The following RGPD2 variants were observed in gnomAD, a reference collection of about 807,000 sequenced individuals.
RGPD2 encodes RANBP2 like and GRIP domain containing 2, also known as RANBP2-like and GRIP domain-containing protein 2.
RGPD2 carries 2 observed loss-of-function variants against 36.0 expected under a neutral mutation model. The ratio of observed to expected loss-of-function variants is 0.06; its 90% CI spans 0.02 to 0.17. The LOEUF is 0.17. Ranked by LOEUF, RGPD2 falls within the 10% of genes least tolerant of loss-of-function variation. RGPD2 has a pLI of 1.00. For synonymous variants in RGPD2, 19 were observed against 163.8 expected, an observed-to-expected ratio of 0.12 and a Z score of 6.75; for missense variants, 40 against 464.3, an observed-to-expected ratio of 0.09 and a Z score of 8.40.
chr2:87,951,227 G>C, the RGPD2 span, among the ~76,000 whole-genome samples: 1 of 147,112 alleles, frequency 6.8e-6, no homozygotes, highest in African/African-American at 2.5e-5. Context: ...ATAATTCTAA[G>C]GGCATTATTA....
chr2:87,827,333 G>A (rs1686845798), upstream of RGPD2, among the ~76,000 whole-genome samples: 2 of 152,366 alleles, frequency 1.3e-5, no homozygotes, highest in Middle Eastern at 3.4e-3. Flanking sequence ...ATGGCAGAAG[G>A]AGATTTCCAT....
At chr2:87,959,644 CTAGT>C in the RGPD2 span, among the ~76,000 whole-genome samples, 336 of 121,396 alleles carry the variant, frequency 2.8e-3, 2 homozygotes, top group African/African-American at 9.7e-3. Flanking sequence ...AAAGATGTAG[CTAGT>C]TAAACATATG....
rs1229934827 is a variant in RGPD2, at chr2:87,757,065, AG to A, written c.*326del. 2.3e-6 allele frequency: 1 copy of A among 435,128 alleles called. No homozygotes were observed. The highest frequency in any genetic ancestry group is 2.2e-5 in the African/African-American group (1 of 45,340). The allele number at this position is 435,128 out of a possible 1,614,324, so 27.0% of individuals were successfully genotyped here. The stretch of plus-strand genomic sequence containing the variant: ...TCAAGTCCCTTATGTAAAATGGTGC[AG>A]TATTTGCATATAACCTACATACCTT... On this transcript the variant is annotated 3_prime_UTR_variant, in exon 23 of 23. Coordinates refer to ENST00000398146, the MANE Select transcript of RGPD2 (RefSeq NM_001078170.3).
At chr2:87,853,839 T>G in the RGPD2 span, among the ~76,000 whole-genome samples, 2 of 152,220 alleles carry the variant, frequency 1.3e-5, no homozygotes, top group African/African-American at 4.8e-5. Flanking sequence ...TCTTTGATGG[T>G]TAGTCATTTT....
chr2:87,781,445 T>A (rs928571559), intron 20 of RGPD2, among the ~76,000 whole-genome samples: 6 of 131,552 alleles, frequency 4.6e-5, no homozygotes, highest in African/African-American at 1.7e-4. Flanking sequence ...CTCAATATCA[T>A]GGTTTTTTTT....
chr2:87,870,702 C>T, the RGPD2 span, among the ~76,000 whole-genome samples: 152 of 152,152 alleles, frequency 1.0e-3, 1 homozygote, highest in African/African-American at 3.4e-3. Context: ...CCACATTTTT[C>T]GAACTTTTAT....
intron 1 of RGPD2, among the ~76,000 whole-genome samples, chr2:87,822,126 C>T (rs1188958633): frequency 1.4e-4 from 22 of 152,004 alleles, no homozygotes; most frequent in Non-Finnish European, 2.1e-4. Context: ...GGGTGAAGGC[C>T]GTGATTATAC....
chr2:87,882,045 A>T, the RGPD2 span, among the ~76,000 whole-genome samples: 2 of 152,212 alleles, frequency 1.3e-5, no homozygotes, highest in Non-Finnish European at 2.9e-5. Flanking sequence ...AAACAACCAG[A>T]TGACCATTAC....
chr2:87,951,405 G>A, the RGPD2 span, among the ~76,000 whole-genome samples: 396 of 151,758 alleles, frequency 2.6e-3, no homozygotes, highest in East Asian at 0.022. Flanking sequence ...TCACTATGTA[G>A]ACAGAGAGAA....
chr2:87,924,875 ATTTAT>A, the RGPD2 span, among the ~76,000 whole-genome samples: 246 of 81,166 alleles, frequency 3.0e-3, no homozygotes, highest in African/African-American at 0.013. Context: ...TCGTTTATTT[ATTTAT>A]TTTAATTTAT....
the RGPD2 span, among the ~76,000 whole-genome samples, chr2:87,951,462 G>A: frequency 6.6e-6 from 1 of 152,172 alleles, no homozygotes; most frequent in African/African-American, 2.4e-5. Flanking sequence ...TTGAGTAAGA[G>A]ATGGAACAAA....
At chr2:87,822,290 A>T (rs1370312920) in intron 1 of RGPD2, among the ~76,000 whole-genome samples, 1 of 152,226 alleles carries the variant, frequency 6.6e-6, no homozygotes, top group Non-Finnish European at 1.5e-5. Context: ...GGTAAACATC[A>T]TTAAAAAAAA....
the RGPD2 span, among the ~76,000 whole-genome samples, chr2:87,967,419 AAT>A: frequency 6.7e-6 from 1 of 150,156 alleles, no homozygotes; most frequent in Non-Finnish European, 1.5e-5. Flanking sequence ...AAAAAAAAAA[AAT>A]TTTTTTTCCA....
At chr2:87,921,392 C>A in the RGPD2 span, among the ~76,000 whole-genome samples, 1 of 152,076 alleles carries the variant, frequency 6.6e-6, no homozygotes, top group Admixed American at 6.6e-5. Context: ...AAAGAATCTT[C>A]GTAGAATATC....
chr2:87,915,593 T>TATATATGTGTGTATATACAC, the RGPD2 span, among the ~76,000 whole-genome samples: 1 of 145,534 alleles, frequency 6.9e-6, no homozygotes, highest in South Asian at 2.2e-4. Flanking sequence ...TATATACACA[T>TATATATGTGTGTATATACAC]ATATATGTGT....
the RGPD2 span, among the ~76,000 whole-genome samples, chr2:87,897,651 G>T: frequency 1.3e-5 from 2 of 150,000 alleles, no homozygotes; most frequent in African/African-American, 4.9e-5. Flanking sequence ...ACTGGCCCCC[G>T]TGTGTGGTGT....
the RGPD2 span, among the ~76,000 whole-genome samples, chr2:87,868,730 C>G: frequency 6.6e-6 from 1 of 151,846 alleles, no homozygotes; most frequent in East Asian, 1.9e-4. Flanking sequence ...TCTGGAAAAA[C>G]TCTTTACCCA....
chr2:87,839,916 CATT>C, the RGPD2 span, among the ~76,000 whole-genome samples: 1 of 151,786 alleles, frequency 6.6e-6, no homozygotes, highest in South Asian at 2.1e-4. Context: ...AAAAAAAACA[CATT>C]ATTCCTCAAG....
At chr2:87,771,402 T>TTG (rs1685112476) in intron 22 of RGPD2, 1 of 30,068 alleles carries the variant, frequency 3.3e-5, no homozygotes, top group African/African-American at 1.1e-4. Context: ...TTTTTTTTTT[T>TTG]TTTTTTTTTT....
Sources: allele counts gnomAD v4.1 joint callset (sites outside exome capture counted in the v4.1 genomes callset), GRCh38; gene constraint gnomAD v4.1.1; transcripts MANE v1.5; gene names NCBI Gene and HGNC (gene_info 2026-07-23, HGNC 2026-07-21).